FAM171B: variants seen among roughly 807,000 people sequenced by gnomAD.
FAM171B encodes family with sequence similarity 171 member B.
In FAM171B, 19 loss-of-function variants were observed where a neutral mutation model predicts 75.6. That is an observed-to-expected ratio of 0.25 (90% CI 0.18 to 0.37). The LOEUF (loss-of-function observed/expected upper bound fraction) is 0.37, where lower values mean the gene tolerates loss of function less well. Among genes scored for constraint, FAM171B ranks in the 10% least tolerant of loss-of-function variants. The pLI, the probability that FAM171B is intolerant of heterozygous loss-of-function variation, is 1.00. For synonymous variants in FAM171B, 367 were observed against 361.7 expected, an observed-to-expected ratio of 1.01 and a Z score of -0.17; for missense variants, 848 against 982.4, an observed-to-expected ratio of 0.86 and a Z score of 1.83.
intron 4 of FAM171B, among the ~76,000 whole-genome samples, 164 bp downstream of exon 4, chr2:186,747,414 C>T (rs924567588): frequency 4.0e-5 from 6 of 151,690 alleles, no homozygotes; most frequent in Non-Finnish European, 7.4e-5. Flanking sequence ...TAAAAAATTC[C>T]CTTTAATGAA....
At chr2:186,731,497 G>T (rs945658276) in intron 1 of FAM171B, among the ~76,000 whole-genome samples, 1 of 152,148 alleles carries the variant, frequency 6.6e-6, no homozygotes, top group African/African-American at 2.4e-5. Context: ...TATGCTAGTG[G>T]CTCGGTAAAT....
intron 5 of FAM171B, 151 bp from the exon 6 acceptor site, chr2:186,753,782 T>C: frequency 1.9e-6 from 1 of 522,374 alleles, no homozygotes; most frequent in South Asian, 2.1e-5. Flanking sequence ...CAGTATATAC[T>C]ATATTATAAT....
chr2:186,701,034 A>G (rs1463134401), intron 1 of FAM171B, among the ~76,000 whole-genome samples: 1 of 151,870 alleles, frequency 6.6e-6, no homozygotes, highest in African/African-American at 2.4e-5. Context: ...CTCCTGCCTT[A>G]ATCTCCTAAG....
chr2:186,694,138 C>G lies in FAM171B; in HGVS notation c.-36C>G. ...CTGGCGCCCGCCGCCGCCCGGAGCC[C>G]CGCAATATGCCGCCGCGGCCCTCTG... On this transcript the variant is annotated 5_prime_UTR_variant, in exon 1 of 8. Transcript: ENST00000304698. 6.7e-7 allele frequency: 1 copy of G among 1,499,914 alleles called. No homozygotes were observed. Among genetic ancestry groups the G allele is most frequent in the Non-Finnish European group, 8.8e-7 (1 of 1,132,946 alleles). The allele number at this position is 1,499,914 out of a possible 1,614,324, so 92.9% of individuals were successfully genotyped here.
chr2:186,756,759 A>T (rs1690538330), intron 6 of FAM171B, among the ~76,000 whole-genome samples: 1 of 152,174 alleles, frequency 6.6e-6, no homozygotes, highest in Admixed American at 6.6e-5. Flanking sequence ...TCAGGTGCCC[A>T]TTGCAAGCAG....
At chr2:186,712,758 T>C (rs1283585006) in intron 1 of FAM171B, among the ~76,000 whole-genome samples, 1 of 152,182 alleles carries the variant, frequency 6.6e-6, no homozygotes, top group South Asian at 2.1e-4. Context: ...ATCTTATGCC[T>C]TCTCACTCCT....
At position 186,694,121 on chromosome 2, in the gene FAM171B, C is replaced by CGCCGCCGCCCGGAGCCCCGCAATAT; in HGVS notation, c.-44_-20dup. The CGCCGCCGCCCGGAGCCCCGCAATAT allele has an allele frequency of 7.0e-7, 1 of 1,426,604 alleles. No individual in the cohort carries two copies. The highest frequency in any genetic ancestry group is 2.8e-5 in the East Asian group (1 of 36,264). The allele number at this position is 1,426,604 out of a possible 1,614,324, so 88.4% of individuals were successfully genotyped here. On this transcript the variant is annotated 5_prime_UTR_variant, in exon 1 of 8. The change creates a new upstream start codon in the 5' untranslated region. Transcript: ENST00000304698. ...GCCAGGAGCCCGCAGCCCTGGCGCC[C>CGCCGCCGCCCGGAGCCCCGCAATAT]GCCGCCGCCCGGAGCCCCGCAATAT...
intron 1 of FAM171B, among the ~76,000 whole-genome samples, chr2:186,738,012 G>A (rs1000738861): frequency 5.3e-5 from 8 of 152,174 alleles, no homozygotes; most frequent in South Asian, 4.1e-4. Context: ...TGCCACAAGC[G>A]GCTTCTGTGT....
At chr2:186,750,314 A>G (rs968589039) in intron 4 of FAM171B, among the ~76,000 whole-genome samples, 30 of 152,216 alleles carry the variant, frequency 2.0e-4, no homozygotes, top group Non-Finnish European at 7.3e-5. Context: ...GCCCAGAGTA[A>G]CAGACATCTA....
chr2:186,706,332 G>A (rs975797616), intron 1 of FAM171B, among the ~76,000 whole-genome samples: 1 of 152,030 alleles, frequency 6.6e-6, no homozygotes. Flanking sequence ...GCTGTTCCAG[G>A]CTTTTGGAAT....
At chr2:186,738,625 C>T (rs537482977) in intron 1 of FAM171B, among the ~76,000 whole-genome samples, 6 of 152,210 alleles carry the variant, frequency 3.9e-5, no homozygotes, top group African/African-American at 1.4e-4. Flanking sequence ...TTTTAGGTTT[C>T]AGGCTTTCTT....
chr2:186,743,509 T>G lies in FAM171B; in HGVS notation c.499T>G (p.Phe167Val). 6.2e-7 allele frequency: 1 copy of G among 1,612,604 alleles called. No homozygotes were observed. The highest frequency in any genetic ancestry group is 8.5e-7 in the Non-Finnish European group (1 of 1,178,758). Residue 167 changes from phenylalanine (F) to valine (V), a missense_variant, in exon 3 of 8, where the codon TTC (phenylalanine) becomes GTC (valine). By Grantham distance (50) the Phe-to-Val change is conservative. This residue lies in a region of FAM171B where 665 missense variants were observed against 729.0 expected (regional missense o/e 0.91). Transcript: ENST00000304698. Reference protein sequence around the residue: ...PIYSSVTLSLFPQSQANIWLF... With the variant: ...PIYSSVTLSLVPQSQANIWLF... ...ATATTCATCAGTTACACTTTCACTG[T>G]TCCCGCAAAGCCAAGCAAATATATG...
At chr2:186,694,534 C>G in intron 1 of FAM171B, 123 bp downstream of exon 1, 2 of 1,321,324 alleles carry the variant, frequency 1.5e-6, no homozygotes, top group Non-Finnish European at 2.0e-6. Flanking sequence ...CCATCCCTCC[C>G]GATCTCTCTC....
chr2:186,709,265 T>G (rs929666938), intron 1 of FAM171B, among the ~76,000 whole-genome samples: 1 of 152,140 alleles, frequency 6.6e-6, no homozygotes, highest in African/African-American at 2.4e-5. Context: ...AACAAGAGAT[T>G]TGGGCAGGGA....
intron 1 of FAM171B, among the ~76,000 whole-genome samples, chr2:186,736,567 G>GTGGGAGAGAGA (rs55683607): frequency 1.9e-5 from 2 of 104,590 alleles, no homozygotes; most frequent in Non-Finnish European, 4.1e-5. Flanking sequence ...TGTGTGTGTG[G>GTGGGAGAGAGA]GAGAGAGAGA....
At chr2:186,702,911 T>G (rs6717512) in intron 1 of FAM171B, among the ~76,000 whole-genome samples, 47,280 of 151,942 alleles carry the variant, frequency 0.31, 8,026 homozygotes, top group Non-Finnish European at 0.39. Flanking sequence ...ATATGCTTTT[T>G]CTTCCTCAAG....
intron 6 of FAM171B, among the ~76,000 whole-genome samples, chr2:186,755,082 A>ATTTGT (rs1690514506): frequency 6.6e-6 from 1 of 152,180 alleles, no homozygotes; most frequent in African/African-American, 2.4e-5. Context: ...TACCTCAGGA[A>ATTTGT]ACCCTACATT....
intron 1 of FAM171B, among the ~76,000 whole-genome samples, chr2:186,734,759 C>T (rs1162592394): frequency 1.3e-5 from 2 of 152,190 alleles, no homozygotes; most frequent in Non-Finnish European, 2.9e-5. Context: ...TGTGTGGAGC[C>T]ACCCTCAGCC....
intron 1 of FAM171B, among the ~76,000 whole-genome samples, chr2:186,714,355 A>G (rs539079971): frequency 6.6e-6 from 1 of 152,302 alleles, no homozygotes; most frequent in East Asian, 1.9e-4. Context: ...GATGTTAACA[A>G]TATTCACAAG....
Sources: allele counts gnomAD v4.1 joint callset (sites outside exome capture counted in the v4.1 genomes callset), GRCh38; gene constraint gnomAD v4.1.1; regional missense constraint gnomAD v4.1.1; transcripts MANE v1.5; gene names NCBI Gene and HGNC (gene_info 2026-07-23, HGNC 2026-07-21).